The following UPF2 variants were observed in gnomAD, a reference collection of about 807,000 sequenced individuals.
UPF2 encodes UPF2 regulator of nonsense mediated mRNA decay, also known as regulator of nonsense transcripts 2.
A neutral mutation model predicts 141.4 loss-of-function variants in UPF2; 17 were observed. That is an observed-to-expected ratio of 0.12 (90% confidence interval 0.08 to 0.18). UPF2 has a LOEUF of 0.18. UPF2 is among the 10% of genes least tolerant of loss of function. The probability of loss-of-function intolerance (pLI) is 1.00; values close to 1 mark genes in which losing one functional copy is unlikely to be tolerated. For synonymous variants in UPF2, 540 were observed against 498.0 expected, an observed-to-expected ratio of 1.08 and a Z score of -1.12; for missense variants, 1,152 against 1,515.9, an observed-to-expected ratio of 0.76 and a Z score of 3.99.
intron 16 of UPF2, among the ~76,000 whole-genome samples, chr10:11,944,322 C>T (rs1009522798): frequency 6.6e-6 from 1 of 152,032 alleles, no homozygotes; most frequent in East Asian, 1.9e-4. Context: ...GGCGAAACCC[C>T]GTCTCTACTA....
At chr10:12,030,809 G>C (rs1017548975) in intron 2 of UPF2, among the ~76,000 whole-genome samples, 1 of 151,406 alleles carries the variant, frequency 6.6e-6, no homozygotes, top group Non-Finnish European at 1.5e-5. Context: ...GCTTGAACCC[G>C]GGAGGCGCAG....
intron 5 of UPF2, 142 bp from the exon 6 acceptor site, chr10:12,001,967 T>G (rs966856719): frequency 1.3e-6 from 1 of 773,240 alleles, no homozygotes; most frequent in African/African-American, 1.8e-5. Context: ...TATATTTAGA[T>G]TTTATAAAAC....
Position 11,931,030 on chromosome 10 carries a change from G to A in UPF2, c.3688+611C>T, listed in dbSNP as rs144874840. Among the ~76,000 whole-genome samples, 319 of 152,290 alleles carry A rather than the reference G, an allele frequency of 2.1e-3. 3 individuals carry two copies. Among genetic ancestry groups the A allele is most frequent in the African/African-American group, 7.3e-3 (303 of 41,544 alleles). On this transcript the variant is annotated intron_variant, in intron 20 of 21. Coordinates refer to ENST00000357604, the MANE Select transcript of UPF2 (RefSeq NM_015542.4). The surrounding 1 kb of genome is among the most constrained non-coding windows in gnomAD (Gnocchi z 5.9). The stretch of plus-strand genomic sequence containing the variant: ...CAACTAACTGAAAAATGCTGGGTAT[G>A]TATGCATAAAATGAGAATCCTAATT...
chr10:11,938,853 G>GTTTTTTTTTTTTTTT lies in UPF2; in HGVS notation c.3379-2156_3379-2142dup, dbSNP rs58106776. Among the ~76,000 whole-genome samples, 451 of 79,820 alleles carry GTTTTTTTTTTTTTTT rather than the reference G, an allele frequency of 5.7e-3. 110 individuals are homozygous for GTTTTTTTTTTTTTTT. The highest frequency in any genetic ancestry group is 8.0e-3 in the Non-Finnish European group (342 of 42,764). The allele number at this position is 79,820 out of a possible 152,430, so 52.4% of individuals were successfully genotyped here. On this transcript the variant is annotated intron_variant, in intron 18 of 21. Transcript: ENST00000357604. The stretch of plus-strand genomic sequence containing the variant: ...GTGGTCTTAAGCAAGTTTTTTTTTT[G>GTTTTTTTTTTTTTTT]TTTTTTTTTTTTTTTTTTTTTTTTT...
At chr10:12,020,016 C>A (rs141520726) in intron 3 of UPF2, among the ~76,000 whole-genome samples, 5 of 152,006 alleles carry the variant, frequency 3.3e-5, no homozygotes, top group African/African-American at 7.2e-5. Context: ...TGAGCCACCA[C>A]GCCCAGTTGA....
At position 12,028,395 on chromosome 10, in the gene UPF2, G is replaced by A. The variant is rs138909413; in HGVS notation, c.1145+350C>T. Among the ~76,000 whole-genome samples, 6 of 152,232 alleles carry A rather than the reference G, an allele frequency of 3.9e-5. No individual in the cohort carries two copies. The East Asian group carries it at 1.2e-3, about 29-fold the overall frequency. ...AAAGCAAACCTGTTATAGAGAGAAC[G>A]TTAAAGCACACAGAAAAATATTAGC... On this transcript the variant is annotated intron_variant, in intron 3 of 21. Transcript: ENST00000357604.
chr10:12,013,668 G>A (rs190788025), intron 4 of UPF2, among the ~76,000 whole-genome samples: 48 of 152,168 alleles, frequency 3.2e-4, no homozygotes, highest in African/African-American at 1.2e-3. Flanking sequence ...ATTATCATGA[G>A]TTATTATTTT....
intron 3 of UPF2, among the ~76,000 whole-genome samples, chr10:12,018,739 G>A (rs1258909075): frequency 6.6e-6 from 1 of 151,550 alleles, no homozygotes; most frequent in African/African-American, 2.4e-5. Flanking sequence ...GTGACAGAGT[G>A]AGACCCTGCC....
chr10:11,933,483 C>T (rs1471325743), intron 19 of UPF2, among the ~76,000 whole-genome samples: 1 of 151,934 alleles, frequency 6.6e-6, no homozygotes, highest in African/African-American at 2.4e-5. Flanking sequence ...ATAATATATC[C>T]TTAAAAATTA....
chr10:11,924,918 G>A (rs1354557911), intron 21 of UPF2, among the ~76,000 whole-genome samples: 1 of 151,994 alleles, frequency 6.6e-6, no homozygotes, highest in Non-Finnish European at 1.5e-5. Flanking sequence ...TCCCAGGTTC[G>A]AGTGATTCTC....
intron 8 of UPF2, among the ~76,000 whole-genome samples, chr10:11,991,908 G>A (rs1312213775): frequency 6.6e-6 from 1 of 152,206 alleles, no homozygotes; most frequent in Non-Finnish European, 1.5e-5. Context: ...CACCTTGGGA[G>A]GCTGAGGTGA....
chr10:12,018,933 C>G (rs1446150268), intron 3 of UPF2, among the ~76,000 whole-genome samples: 1 of 152,136 alleles, frequency 6.6e-6, no homozygotes, highest in African/African-American at 2.4e-5. Flanking sequence ...AAATATTACA[C>G]AACACATCTG....
At chr10:12,003,695 G>A (rs932910553) in intron 5 of UPF2, among the ~76,000 whole-genome samples, 10 of 152,250 alleles carry the variant, frequency 6.6e-5, no homozygotes, top group East Asian at 3.9e-4. Flanking sequence ...GGAAGCTGAG[G>A]CAGGTGGATC....
intron 16 of UPF2, among the ~76,000 whole-genome samples, chr10:11,946,995 A>T (rs974060790): frequency 6.6e-6 from 1 of 152,270 alleles, no homozygotes; most frequent in Non-Finnish European, 1.5e-5. Context: ...TGAGGCCAGG[A>T]GTTCGAGATT....
chr10:11,930,115 A>G (rs1832765065), intron 20 of UPF2, 130 bp from the exon 21 acceptor site: 4 of 1,287,804 alleles, frequency 3.1e-6, no homozygotes, highest in South Asian at 2.9e-5. Context: ...AAAAATAGCC[A>G]TTATACAGAC....
intron 9 of UPF2, among the ~76,000 whole-genome samples, chr10:11,970,393 G>C (rs1833396980): frequency 6.6e-6 from 1 of 151,758 alleles, no homozygotes; most frequent in Non-Finnish European, 1.5e-5. Context: ...AATGTTAAGA[G>C]TCTGCTATTA....
At chr10:12,017,905 C>T (rs1314790159) in intron 3 of UPF2, among the ~76,000 whole-genome samples, 1 of 152,126 alleles carries the variant, frequency 6.6e-6, no homozygotes, top group African/African-American at 2.4e-5. Flanking sequence ...CCTCCAACCC[C>T]CAGATTTTTT....
intron 3 of UPF2, among the ~76,000 whole-genome samples, chr10:12,027,598 C>G (rs1024377103): frequency 2.0e-5 from 3 of 152,150 alleles, no homozygotes; most frequent in Non-Finnish European, 1.5e-5. Flanking sequence ...CCAGTCCTCG[C>G]AAATCAAAAC....
At chr10:12,035,564 G>A (rs112823707) in intron 1 of UPF2, 123 bp from the exon 2 acceptor site, 1 of 1,047,784 alleles carries the variant, frequency 9.5e-7, no homozygotes, top group Non-Finnish European at 1.3e-6. Context: ...AATAAAGGCA[G>A]GTAAAATGAA....
Sources: allele counts gnomAD v4.1 joint callset (sites outside exome capture counted in the v4.1 genomes callset), GRCh38; gene constraint gnomAD v4.1.1; non-coding constraint Gnocchi (gnomAD v3.1); transcripts MANE v1.5; gene names NCBI Gene and HGNC (gene_info 2026-07-23, HGNC 2026-07-21).